Variants in VPS13B observed in about 807,000 individuals in gnomAD.
VPS13B encodes vacuolar protein sorting 13 homolog B.
VPS13B carries 285 observed loss-of-function variants against 426.4 expected under a neutral mutation model. The observed-to-expected ratio is 0.67, with a 90% CI of 0.61 to 0.74. The LOEUF is 0.74. Among genes scored for constraint, VPS13B ranks in the 30% least tolerant of loss-of-function variants. The pLI is 0.00. For missense variants in VPS13B, 4,537 were observed against 4,782.6 expected, an observed-to-expected ratio of 0.95 and a Z score of 1.51; for synonymous variants, 1,676 against 1,676.4, an observed-to-expected ratio of 1.00 and a Z score of 0.01.
intron 33 of VPS13B, among the ~76,000 whole-genome samples, chr8:99,632,295 G>T (rs1235331888): frequency 6.6e-6 from 1 of 151,928 alleles, no homozygotes; most frequent in Non-Finnish European, 1.5e-5. Context: ...TTGAAAAGAT[G>T]ATGCTTGATA....
At chr8:99,749,586 G>T (rs2130531123) in intron 39 of VPS13B, among the ~76,000 whole-genome samples, 1 of 152,024 alleles carries the variant, frequency 6.6e-6, no homozygotes, top group South Asian at 2.1e-4. Context: ...TCTTTTTTAT[G>T]GCTGAGTAGT....
chr8:99,732,665 T>TTCTTTG (rs1394728191), intron 39 of VPS13B, among the ~76,000 whole-genome samples: 2 of 152,232 alleles, frequency 1.3e-5, no homozygotes, highest in Non-Finnish European at 2.9e-5. Flanking sequence ...GATTGTGAGC[T>TTCTTTG]TCTTTGTCTA....
chr8:99,362,300 C>G (rs1812614715), intron 19 of VPS13B, among the ~76,000 whole-genome samples: 1 of 152,008 alleles, frequency 6.6e-6, no homozygotes, highest in Non-Finnish European at 1.5e-5. Context: ...CGCCACCACA[C>G]CTGCTAATTT....
At chr8:99,436,627 T>C (rs1817392642) in intron 22 of VPS13B, among the ~76,000 whole-genome samples, 1 of 152,202 alleles carries the variant, frequency 6.6e-6, no homozygotes, top group Admixed American at 6.5e-5. Flanking sequence ...AAACATACTA[T>C]ATATTTAAAC....
intron 30 of VPS13B, among the ~76,000 whole-genome samples, chr8:99,526,713 T>C (rs1018888192): frequency 2.0e-5 from 3 of 151,786 alleles, no homozygotes; most frequent in African/African-American, 4.8e-5. Context: ...ATCTCAGGAG[T>C]TAATGAGCTC....
chr8:99,287,218 GTATCTATC>G (rs201788276), intron 19 of VPS13B, among the ~76,000 whole-genome samples: 1 of 141,562 alleles, frequency 7.1e-6, no homozygotes, highest in Admixed American at 7.2e-5. Flanking sequence ...ATGTGTGTGT[GTATCTATC>G]TGTCTGTCTA....
intron 14 of VPS13B, among the ~76,000 whole-genome samples, chr8:99,151,474 A>T (rs1438857033): frequency 3.3e-5 from 5 of 151,992 alleles, no homozygotes; most frequent in African/African-American, 9.7e-5. Flanking sequence ...TGTATCCTTT[A>T]CGAATTGGTC....
At chr8:99,583,490 G>A (rs900178923) in intron 33 of VPS13B, among the ~76,000 whole-genome samples, 7 of 152,128 alleles carry the variant, frequency 4.6e-5, no homozygotes, top group African/African-American at 1.7e-4. Flanking sequence ...TTGAGCTTAT[G>A]CCATGTGAAG....
rs181456359 is a variant in VPS13B, at chr8:99,869,514, G to A, written c.11392+1049G>A. ...TGTTCCTCTTCGCTTTCCCCTCCTC[G>A]CCCGCCTCATTTCCCTCTCCTTCTG... On this transcript the variant is annotated intron_variant, in intron 59 of 61. Coordinates refer to ENST00000357162, the MANE Select transcript of VPS13B (RefSeq NM_152564.5). Among the ~76,000 whole-genome samples, 558 of 152,198 alleles carry A rather than the reference G, an allele frequency of 3.7e-3. 3 individuals carry two copies. Among genetic ancestry groups the A allele is most frequent in the Non-Finnish European group, 5.6e-3 (379 of 68,004 alleles).
intron 11 of VPS13B, 54 bp from the exon 12 acceptor site, chr8:99,136,611 C>T (rs1443386010): frequency 6.3e-7 from 1 of 1,589,644 alleles, no homozygotes; most frequent in African/African-American, 1.3e-5. Flanking sequence ...AAGCTTTAAA[C>T]TCAAAAGTTT....
At position 99,195,253 on chromosome 8, in the gene VPS13B, A is replaced by T. The variant is rs1441557220; in HGVS notation, c.2515+2196A>T. Among the ~76,000 whole-genome samples, 5 of 152,150 alleles carry T rather than the reference A, an allele frequency of 3.3e-5. No homozygotes were observed. In the East Asian group the frequency reaches 9.6e-4, roughly 29 times the overall value. On this transcript the variant is annotated intron_variant, in intron 17 of 61. Transcript: ENST00000357162. ...GGTATGTGGTTATATCTCATTGTGA[A>T]TTTAATTTACATTTCTCTAGTAATT...
At chr8:99,230,735 T>TACC (rs1816275421) in intron 17 of VPS13B, among the ~76,000 whole-genome samples, 1 of 152,254 alleles carries the variant, frequency 6.6e-6, no homozygotes, top group South Asian at 2.1e-4. Flanking sequence ...ATGTCTGGTA[T>TACC]ACCATGACTG....
chr8:99,783,694 GA>G (rs1812126795), intron 42 of VPS13B, among the ~76,000 whole-genome samples: 1 of 152,154 alleles, frequency 6.6e-6, no homozygotes, highest in Non-Finnish European at 1.5e-5. Flanking sequence ...TATTTCTCAA[GA>G]AAACTGCAAC....
chr8:99,635,359 T>C (rs1475820909), intron 33 of VPS13B, among the ~76,000 whole-genome samples: 1 of 151,972 alleles, frequency 6.6e-6, no homozygotes, highest in Non-Finnish European at 1.5e-5. Flanking sequence ...TGAAATATAA[T>C]CTCATAATTG....
chr8:99,738,838 G>A (rs773556498), intron 39 of VPS13B, among the ~76,000 whole-genome samples: 3 of 152,134 alleles, frequency 2.0e-5, no homozygotes, highest in African/African-American at 4.8e-5. Context: ...CCTGTCTATC[G>A]AGGGTGGAGC....
chr8:99,161,444 A>G (rs1435984265), intron 15 of VPS13B, among the ~76,000 whole-genome samples: 2 of 152,234 alleles, frequency 1.3e-5, no homozygotes, highest in Non-Finnish European at 2.9e-5. Flanking sequence ...ATCCATACTG[A>G]CATAAAATTT....
rs535387542 is a variant in VPS13B at position 99,419,718 on chromosome 8, A to G, written c.3083-11819A>G. 3.9e-5 allele frequency among the ~76,000 whole-genome samples: 6 copies of G among 152,318 alleles called. No individual in the cohort carries two copies. In the South Asian group the frequency reaches 1.2e-3, roughly 32 times the overall value. ...AATAAAAATGAAACCACAAATTATA[A>G]ATAGGTACCTTACACAAAGGTGATA... On this transcript the variant is annotated intron_variant, in intron 21 of 61. Coordinates refer to ENST00000357162, the MANE Select transcript of VPS13B (RefSeq NM_152564.5).
chr8:99,058,880 T>C (rs1844029857), intron 3 of VPS13B, among the ~76,000 whole-genome samples: 1 of 152,130 alleles, frequency 6.6e-6, no homozygotes, highest in Non-Finnish European at 1.5e-5. Flanking sequence ...TTTAGATTCT[T>C]TTCAGACTTG....
intron 21 of VPS13B, among the ~76,000 whole-genome samples, chr8:99,405,401 G>A (rs1483634812): frequency 6.6e-6 from 1 of 152,108 alleles, no homozygotes; most frequent in African/African-American, 2.4e-5. Flanking sequence ...CTTCCAAGTT[G>A]TATCTTGAAT....
Sources: gnomAD v4.1 joint callset for allele counts (sites outside exome capture counted in the v4.1 genomes callset) on GRCh38, gnomAD v4.1.1 for gene constraint, MANE v1.5 for transcripts, NCBI Gene and HGNC (gene_info 2026-07-23, HGNC 2026-07-21) for gene names.